STS: variants seen among roughly 807,000 people sequenced by gnomAD.
STS encodes the protein steryl-sulfatase.
A neutral mutation model predicts 26.8 loss-of-function variants in STS; 7 were observed. The ratio of observed to expected loss-of-function variants is 0.26; its 90% CI spans 0.15 to 0.49. STS has a LOEUF of 0.49. Among genes scored for constraint, STS ranks in the 20% least tolerant of loss-of-function variants. The pLI is 0.98. For synonymous variants in STS, 199 were observed against 189.4 expected (o/e 1.05, Z -0.42); for missense variants, 434 against 465.6 (o/e 0.93, Z 0.63).
intron 7 of STS, among the ~76,000 whole-genome samples, chrX:7,291,017 T>C (rs1925389490): frequency 9.0e-6 from 1 of 111,700 alleles, no homozygotes; most frequent in African/African-American, 3.3e-5. Context: ...CAAATGGCCA[T>C]AGCTCTCTTA....
At chrX:7,238,866 A>G (rs187418453) in intron 2 of STS, among the ~76,000 whole-genome samples, 1 of 110,967 alleles carries the variant, frequency 9.0e-6, no homozygotes, top group African/African-American at 3.3e-5. Context: ...AAATTAAAAA[A>G]TCAGCAGGAA....
intron 7 of STS, among the ~76,000 whole-genome samples, chrX:7,279,907 C>T (rs1439766163): frequency 9.0e-6 from 1 of 111,504 alleles, no homozygotes; most frequent in African/African-American, 3.3e-5. Context: ...TCTCATCATT[C>T]GCATTCCACA....
Position 7,180,973 on chromosome X carries a change from G to GT in STS, c.-133-9906dup, listed in dbSNP as rs749949886. On this transcript the variant is annotated intron_variant, in intron 1 of 10. Transcript: ENST00000674429. Reference sequence around the variant, plus strand: ...CCTTGATGGCATGCTTCTAAATGCAGTAACTCAATCCTGCTGTCTTAAGGA... The same window carrying GT: ...CCTTGATGGCATGCTTCTAAATGCAGTTAACTCAATCCTGCTGTCTTAAGGA... Among the ~76,000 whole-genome samples, 145 of 112,247 alleles carry GT rather than the reference G, an allele frequency of 1.3e-3. 1 individual carries two copies. The highest frequency in any genetic ancestry group is 9.6e-4 in the Non-Finnish European group (51 of 53,304).
At chrX:7,301,082 A>G (rs752621334) in intron 7 of STS, among the ~76,000 whole-genome samples, 1 of 111,252 alleles carries the variant, frequency 9.0e-6, no homozygotes, top group African/African-American at 3.3e-5. Flanking sequence ...CCCATGTTGA[A>G]TGAATGCATG....
chrX:7,153,332 C>T (rs1278171864), intron 1 of STS, among the ~76,000 whole-genome samples: 1 of 103,435 alleles, frequency 9.7e-6, no homozygotes, highest in Non-Finnish European at 2.0e-5. Flanking sequence ...TTTCCTCCTT[C>T]TCTCTTTTCC....
At chrX:7,178,313 C>A (rs1287252930) in intron 1 of STS, among the ~76,000 whole-genome samples, 1 of 112,086 alleles carries the variant, frequency 8.9e-6, no homozygotes, top group South Asian at 3.7e-4. Context: ...TGCTGAGATG[C>A]GCTACCTCTC....
At chrX:7,326,558 C>T (rs1218959528) in intron 9 of STS, among the ~76,000 whole-genome samples, 1 of 111,849 alleles carries the variant, frequency 8.9e-6, no homozygotes, top group Non-Finnish European at 1.9e-5. Flanking sequence ...TTTCCCAGCA[C>T]GTCTTCACTG....
chrX:7,220,617 C>A (rs988220325), intron 2 of STS, among the ~76,000 whole-genome samples: 1 of 98,814 alleles, frequency 1.0e-5, no homozygotes, highest in Admixed American at 1.1e-4. Flanking sequence ...GGCGCGATCT[C>A]GGCTCACTGC....
intron 1 of STS, among the ~76,000 whole-genome samples, chrX:7,167,406 A>T (rs1601624925): frequency 9.1e-6 from 1 of 109,965 alleles, no homozygotes; most frequent in Non-Finnish European, 1.9e-5. Context: ...AGTAGAGATG[A>T]GGTTTCGCCA....
chrX:7,288,638 ACGTGTGTG>A (rs1279862349), intron 7 of STS, among the ~76,000 whole-genome samples: 1 of 64,185 alleles, frequency 1.6e-5, no homozygotes, highest in East Asian at 4.9e-4. Context: ...GAAATTCTGT[ACGTGTGTG>A]TGTGTGTGTG....
Position 7,148,093 on chromosome X carries a change from G to C in STS, c.-134+10G>C, listed in dbSNP as rs1409802725. ...CCATGTCAAAGATGAGGTGGGTGAC[G>C]GGCTGCGGGGGCGCCGCCATGGTGG... is the stretch of plus-strand genomic sequence containing the variant. On this transcript the variant is annotated intron_variant, in intron 1 of 10. Coordinates refer to ENST00000674429, the MANE Select transcript of STS (RefSeq NM_001320752.2). 3.5e-6 allele frequency: 4 copies of C among 1,132,414 alleles called. No individual in the cohort carries two copies. In the Admixed American group the frequency reaches 1.1e-4, roughly 32 times the overall value. The allele number at this position is 1,132,414 out of a possible 1,213,427, so 93.3% of individuals were successfully genotyped here.
intron 7 of STS, among the ~76,000 whole-genome samples, chrX:7,286,929 T>TGG (rs1412283615): frequency 3.6e-5 from 4 of 112,104 alleles, no homozygotes; most frequent in African/African-American, 1.3e-4. Flanking sequence ...AGAAAATGAA[T>TGG]TTTTGGTAAA....
chrX:7,258,569 G>A (rs1331619694), intron 5 of STS, among the ~76,000 whole-genome samples: 2 of 111,724 alleles, frequency 1.8e-5, no homozygotes, highest in Admixed American at 9.5e-5. Context: ...CTTTTTGCAT[G>A]AAGAGCTTGA....
chrX:7,254,008 G>A (rs1923276509), intron 3 of STS, among the ~76,000 whole-genome samples: 1 of 111,777 alleles, frequency 8.9e-6, no homozygotes, highest in South Asian at 3.8e-4. Context: ...AAGGGGGGAG[G>A]GAGCTCTCTG....
intron 7 of STS, among the ~76,000 whole-genome samples, chrX:7,280,263 C>A (rs1601710028): frequency 1.8e-5 from 2 of 111,278 alleles, no homozygotes; most frequent in Admixed American, 1.9e-4. Flanking sequence ...ATTTAAGATT[C>A]TTTCAGGAGA....
intron 1 of STS, among the ~76,000 whole-genome samples, chrX:7,167,921 T>C (rs765881332): frequency 2.4e-4 from 27 of 110,448 alleles, no homozygotes; most frequent in Admixed American, 4.8e-4. Context: ...CTCAAACTCC[T>C]GGCCTGAAGT....
rs749813410 is a variant in STS at position 7,181,150 on chromosome X, T to C, written c.-133-9730T>C. Among the ~76,000 whole-genome samples, 22 of 112,499 alleles carry C rather than the reference T, an allele frequency of 2.0e-4. No homozygotes were observed. In the South Asian group the frequency reaches 7.7e-3, roughly 40 times the overall value. On this transcript the variant is annotated intron_variant, in intron 1 of 10. Coordinates refer to ENST00000674429, the MANE Select transcript of STS (RefSeq NM_001320752.2). ...TTACACTTTTAAAGTTCTACACACA[T>C]TTATGAATTCAATAAAGTGTCATTT...
chrX:7,258,105 C>CATAG (rs72344557), intron 5 of STS, among the ~76,000 whole-genome samples: 14,909 of 92,537 alleles, frequency 0.16, 1,132 homozygotes, highest in African/African-American at 0.24. Flanking sequence ...GAAAAACAGA[C>CATAG]ATAGATAGAT....
intron 7 of STS, among the ~76,000 whole-genome samples, chrX:7,294,206 C>T (rs947806066): frequency 3.6e-5 from 4 of 110,875 alleles, no homozygotes; most frequent in African/African-American, 1.3e-4. Flanking sequence ...GTTCTTGAGC[C>T]TGAAACTAAT....
Sources: allele counts gnomAD v4.1 joint callset (sites outside exome capture counted in the v4.1 genomes callset), GRCh38; gene constraint gnomAD v4.1.1; transcripts MANE v1.5; gene names NCBI Gene and HGNC (gene_info 2026-07-23, HGNC 2026-07-21).